SLF2: variants seen among roughly 807,000 people sequenced by gnomAD.
SLF2 encodes the protein SMC5/6 complex localization factor 2.
A neutral mutation model predicts 124.3 loss-of-function variants in SLF2; 68 were observed. The ratio of observed to expected loss-of-function variants is 0.55; its 90% CI spans 0.45 to 0.67. The LOEUF is 0.67. Ranked by LOEUF, SLF2 falls within the 30% of genes least tolerant of loss-of-function variation. SLF2 has a pLI of 0.00. For synonymous variants in SLF2, 480 were observed against 478.8 expected (o/e 1.00, Z -0.03); for missense variants, 1,246 against 1,373.7 (o/e 0.91, Z 1.47).
At chr10:100,916,105 A>C (rs1849407938) in intron 2 of SLF2, 63 bp downstream of exon 2, 1 of 1,294,918 alleles carries the variant, frequency 7.7e-7, no homozygotes, top group African/African-American at 1.5e-5. Flanking sequence ...AGACAGATTC[A>C]ACTTTAAAAC....
intron 12 of SLF2, 91 bp from the exon 13 acceptor site, chr10:100,945,239 G>T: frequency 1.9e-6 from 2 of 1,053,608 alleles, no homozygotes; most frequent in Non-Finnish European, 1.3e-6. Flanking sequence ...GTTCTTTTTT[G>T]CATCTTTTGT....
At chr10:100,938,548 T>C (rs988922399) in intron 10 of SLF2, 47 bp from the exon 11 acceptor site, 21 of 1,568,982 alleles carry the variant, frequency 1.3e-5, no homozygotes, top group Non-Finnish European at 1.8e-5. Flanking sequence ...CAAATGTGGG[T>C]TTGTAGACCA....
intron 12 of SLF2, among the ~76,000 whole-genome samples, chr10:100,944,598 T>A (rs781146775): frequency 6.6e-6 from 1 of 152,272 alleles, no homozygotes; most frequent in East Asian, 1.9e-4. Flanking sequence ...TTTGCTGTTT[T>A]TATTTTGTTT....
rs1849462168 is a variant in SLF2, at chr10:100,918,406, A to G, written c.938A>G (p.Lys313Arg). The G allele has an allele frequency of 1.3e-6, 2 of 1,597,934 alleles. No individual in the cohort carries two copies. The highest frequency in any genetic ancestry group is 4.5e-5 in the East Asian group (2 of 44,376). The change falls in exon 4 of 20, where the codon AAA becomes AGA. Residue 313 changes from lysine to arginine, a missense_variant. Coordinates refer to ENST00000238961, the MANE Select transcript of SLF2 (RefSeq NM_018121.4). ...SNVENGHLSR[K>R]RSSSDSWEPT... ...TAGGAAAATGGACATCTCTCAAGAA[A>G]AAGATCCTCTTCTGATTCATGGGAA...
intron 2 of SLF2, 44 bp from the exon 3 acceptor site, chr10:100,916,526 T>C (rs1306039383): frequency 1.6e-6 from 2 of 1,272,694 alleles, no homozygotes; most frequent in Non-Finnish European, 2.0e-6. Context: ...ATATTAAATA[T>C]TTTACTAACA....
chr10:100,926,047 A>G (rs777998396), intron 6 of SLF2, 28 bp downstream of exon 6: 1 of 1,614,242 alleles, frequency 6.2e-7, no homozygotes, highest in Non-Finnish European at 8.5e-7. Flanking sequence ...TTAATTTGCT[A>G]AATTTAACAT....
intron 11 of SLF2, among the ~76,000 whole-genome samples, chr10:100,941,418 C>T (rs923555741): frequency 6.6e-6 from 1 of 152,160 alleles, no homozygotes; most frequent in African/African-American, 2.4e-5. Context: ...ATTCTCACAT[C>T]CCTATGTTCC....
intron 6 of SLF2, chr10:100,926,278 C>T: frequency 6.7e-7 from 1 of 1,485,532 alleles, no homozygotes; most frequent in Non-Finnish European, 8.9e-7. Flanking sequence ...CACTTCACTG[C>T]AGCCTGGGTG....
chr10:100,933,583 G>T (rs1849786984), intron 9 of SLF2, among the ~76,000 whole-genome samples: 1 of 151,656 alleles, frequency 6.6e-6, no homozygotes, highest in Non-Finnish European at 1.5e-5. Flanking sequence ...AAAAAGGTTA[G>T]TACTTTTTTT....
At chr10:100,926,158 A>G in intron 6 of SLF2, 139 bp downstream of exon 6, 2 of 1,559,354 alleles carry the variant, frequency 1.3e-6, no homozygotes. Flanking sequence ...TTAGAATAAG[A>G]TATGTTGGCC....
At chr10:100,928,205 A>G (rs1323974541) in intron 6 of SLF2, among the ~76,000 whole-genome samples, 1 of 152,020 alleles carries the variant, frequency 6.6e-6, no homozygotes, top group East Asian at 1.9e-4. Context: ...TAATTCAAGG[A>G]GTGTCCTTGA....
chr10:100,937,695 A>G (rs748401941), intron 10 of SLF2, among the ~76,000 whole-genome samples: 2 of 151,430 alleles, frequency 1.3e-5, no homozygotes, highest in Non-Finnish European at 2.9e-5. Flanking sequence ...TGCAACTTCC[A>G]CCTCCCTGGT....
intron 9 of SLF2, among the ~76,000 whole-genome samples, chr10:100,935,009 C>T (rs1021070637): frequency 6.6e-6 from 1 of 152,088 alleles, no homozygotes; most frequent in Non-Finnish European, 1.5e-5. Context: ...ATATGTGTTC[C>T]TCTACAAATC....
intron 9 of SLF2, among the ~76,000 whole-genome samples, 174 bp downstream of exon 9, chr10:100,931,252 G>A (rs1469388316): frequency 2.0e-5 from 3 of 152,214 alleles, no homozygotes; most frequent in Non-Finnish European, 4.4e-5. Flanking sequence ...TATGAAGAAA[G>A]GGATAATGTA....
At chr10:100,944,275 C>T in intron 12 of SLF2, 147 bp downstream of exon 12, 1 of 500,500 alleles carries the variant, frequency 2.0e-6, no homozygotes. Context: ...GCGGGCAGAT[C>T]ACAAGGTCAG....
At chr10:100,944,685 G>A (rs987096550) in intron 12 of SLF2, among the ~76,000 whole-genome samples, 4 of 152,034 alleles carry the variant, frequency 2.6e-5, no homozygotes, top group Non-Finnish European at 5.9e-5. Context: ...TTTATAAGTA[G>A]GATGTATGAA....
At chr10:100,933,967 C>T (rs1849795965) in intron 9 of SLF2, among the ~76,000 whole-genome samples, 1 of 152,228 alleles carries the variant, frequency 6.6e-6, no homozygotes, top group Admixed American at 6.5e-5. Context: ...GCGTGAGCCA[C>T]TGCACCCAGC....
At chr10:100,922,493 C>T (rs559155814) in intron 4 of SLF2, among the ~76,000 whole-genome samples, 1 of 152,250 alleles carries the variant, frequency 6.6e-6, no homozygotes, top group Admixed American at 6.5e-5. Flanking sequence ...GCATGAGCCA[C>T]TGTGCCCAGC....
chr10:100,961,934 T>C lies in SLF2; in HGVS notation c.*22T>C. The C allele has an allele frequency of 6.3e-7, 1 of 1,599,438 alleles. No individual in the cohort carries two copies. Among genetic ancestry groups the C allele is most frequent in the South Asian group, 1.1e-5 (1 of 89,390 alleles). ...TTAATAGGAGTTGCAGCAGCAAAAATATGAACCAAGAGAAATTCAATAAGA... is the reference window on the plus strand; with the variant it reads ...TTAATAGGAGTTGCAGCAGCAAAAACATGAACCAAGAGAAATTCAATAAGA... On this transcript the variant is annotated 3_prime_UTR_variant, in exon 20 of 20. Transcript: ENST00000238961.
Sources: allele counts gnomAD v4.1 joint callset (sites outside exome capture counted in the v4.1 genomes callset), GRCh38; gene constraint gnomAD v4.1.1; transcripts MANE v1.5; gene names NCBI Gene and HGNC (gene_info 2026-07-23, HGNC 2026-07-21).